Variants in DLGAP1 observed in about 807,000 individuals in gnomAD.
The protein encoded by DLGAP1 is DLG associated protein 1, also known as disks large-associated protein 1.
Under a neutral mutation model 90.8 loss-of-function variants are expected in DLGAP1, and 11 were observed. The observed-to-expected ratio is 0.12, with a 90% CI of 0.08 to 0.20. DLGAP1 has a LOEUF of 0.20. Among genes scored for constraint, DLGAP1 ranks in the 10% least tolerant of loss-of-function variants. DLGAP1 has a pLI of 1.00. For missense variants in DLGAP1, 1,050 were observed against 1,333.8 expected, an observed-to-expected ratio of 0.79 and a Z score of 3.31; for synonymous variants, 558 against 540.7, an observed-to-expected ratio of 1.03 and a Z score of -0.44.
chr18:3,599,218 G>A (rs905374631), intron 7 of DLGAP1, among the ~76,000 whole-genome samples: 6 of 152,166 alleles, frequency 3.9e-5, no homozygotes, highest in East Asian at 1.9e-4. Flanking sequence ...CCTCCTCCTC[G>A]TTGGTTGAGT....
chr18:3,589,670 G>A (rs652264), intron 7 of DLGAP1, among the ~76,000 whole-genome samples: 84,026 of 151,992 alleles, frequency 0.55, 23,421 homozygotes, highest in Admixed American at 0.61. Context: ...ATTAAGTGCA[G>A]CTATTATCAA....
chr18:3,766,663 C>T (rs2147965848), intron 5 of DLGAP1, among the ~76,000 whole-genome samples: 1 of 151,934 alleles, frequency 6.6e-6, no homozygotes, highest in Non-Finnish European at 1.5e-5. Flanking sequence ...AAATCAGTAA[C>T]AGAAAGATAA....
intron 7 of DLGAP1, chr18:3,604,138 G>C (rs2057209552): frequency 1.3e-5 from 2 of 152,466 alleles, no homozygotes. Context: ...CAACATCGTG[G>C]CTGAATGAAC....
intron 8 of DLGAP1, chr18:3,580,366 C>T (rs1476864520): frequency 5.0e-6 from 8 of 1,613,818 alleles, no homozygotes; most frequent in East Asian, 2.2e-5. Flanking sequence ...ACTCGGGGCT[C>T]GAATTTCAGA....
At chr18:3,800,230 C>A (rs2066224387) in intron 5 of DLGAP1, among the ~76,000 whole-genome samples, 1 of 152,214 alleles carries the variant, frequency 6.6e-6, no homozygotes, top group African/African-American at 2.4e-5. Context: ...AGATGCCAAG[C>A]CTTCATGTTT....
chr18:3,643,662 C>CAAAAAAAA (rs538678987), intron 7 of DLGAP1, among the ~76,000 whole-genome samples: 3 of 65,016 alleles, frequency 4.6e-5, no homozygotes, highest in African/African-American at 1.1e-4. Flanking sequence ...GACTCCATCT[C>CAAAAAAAA]AAAAAAAAAA....
chr18:4,347,113 G>A lies in DLGAP1; in HGVS notation c.-267+107893C>T, dbSNP rs143747237. On this transcript the variant is annotated intron_variant, in intron 1 of 12. Transcript: ENST00000315677. ...TTTGAAAATTTAGATAAAAGACACA[G>A]TTTTCCAGAGAATCACGTGTACTAA... 8.5e-5 allele frequency among the ~76,000 whole-genome samples: 13 copies of A among 152,150 alleles called. 1 individual carries two copies. The highest frequency in any genetic ancestry group is 2.9e-4 in the African/African-American group (12 of 41,560).
intron 3 of DLGAP1, among the ~76,000 whole-genome samples, chr18:3,927,371 A>C (rs1268026019): frequency 1.3e-5 from 2 of 152,258 alleles, no homozygotes; most frequent in African/African-American, 4.8e-5. Flanking sequence ...TACAGTCCAG[A>C]GTCAAATGAG....
At chr18:3,935,844 G>C (rs2072624723) in intron 3 of DLGAP1, among the ~76,000 whole-genome samples, 1 of 152,194 alleles carries the variant, frequency 6.6e-6, no homozygotes. Context: ...TCATTCGAAA[G>C]TCTAAGCCTT....
chr18:4,197,159 C>T (rs536206456), intron 1 of DLGAP1, among the ~76,000 whole-genome samples: 57 of 118,232 alleles, frequency 4.8e-4, no homozygotes, highest in Middle Eastern at 8.3e-3. Flanking sequence ...GGGACAGGAG[C>T]GAAACTCTGT....
intron 2 of DLGAP1, among the ~76,000 whole-genome samples, chr18:4,119,359 G>A (rs1292093203): frequency 6.6e-6 from 1 of 152,124 alleles, no homozygotes; most frequent in African/African-American, 2.4e-5. Context: ...CTTCCAAAGT[G>A]CTGGGATTAC....
chr18:4,096,316 C>T (rs915812077), intron 2 of DLGAP1, among the ~76,000 whole-genome samples: 18 of 152,082 alleles, frequency 1.2e-4, no homozygotes, highest in African/African-American at 4.1e-4. Flanking sequence ...TGAGCCACTG[C>T]GCCTGGCCAG....
intron 8 of DLGAP1, among the ~76,000 whole-genome samples, chr18:3,568,975 C>G (rs1350281195): frequency 6.7e-6 from 1 of 150,240 alleles, no homozygotes; most frequent in Non-Finnish European, 1.5e-5. Context: ...CATGAGCCAC[C>G]ACGCCTGGCC....
At chr18:4,432,074 C>T (rs1202355336) in intron 1 of DLGAP1, among the ~76,000 whole-genome samples, 1 of 152,046 alleles carries the variant, frequency 6.6e-6, no homozygotes, top group Non-Finnish European at 1.5e-5. Context: ...GTGTCTTATA[C>T]TTTTTGATCA....
intron 7 of DLGAP1, among the ~76,000 whole-genome samples, chr18:3,584,645 A>T (rs2055765460): frequency 6.6e-6 from 1 of 152,164 alleles, no homozygotes; most frequent in Non-Finnish European, 1.5e-5. Context: ...GGGGAAAGAC[A>T]AGGTGCATGA....
chr18:4,152,949 A>G (rs529188570), intron 1 of DLGAP1, among the ~76,000 whole-genome samples: 1 of 152,348 alleles, frequency 6.6e-6, no homozygotes, highest in East Asian at 1.9e-4. Flanking sequence ...AAAAATATAT[A>G]GAACTGATCA....
intron 8 of DLGAP1, among the ~76,000 whole-genome samples, chr18:3,568,336 C>T (rs1230374888): frequency 6.6e-6 from 1 of 151,878 alleles, no homozygotes; most frequent in African/African-American, 2.4e-5. Flanking sequence ...ATTTTTCTCC[C>T]CTTAAATAAA....
At chr18:3,955,548 C>T (rs1351788015) in intron 3 of DLGAP1, among the ~76,000 whole-genome samples, 2 of 151,864 alleles carry the variant, frequency 1.3e-5, no homozygotes, top group Admixed American at 6.6e-5. Context: ...CCCGCCTCTA[C>T]TAAAAATACA....
At chr18:3,748,632 T>C (rs544989602) in intron 5 of DLGAP1, among the ~76,000 whole-genome samples, 37 of 152,332 alleles carry the variant, frequency 2.4e-4, no homozygotes, top group African/African-American at 7.0e-4. Flanking sequence ...TCTAACTTCA[T>C]TGTATTTCAA....
Sources: allele counts gnomAD v4.1 joint callset (sites outside exome capture counted in the v4.1 genomes callset), GRCh38; gene constraint gnomAD v4.1.1; transcripts MANE v1.5; gene names NCBI Gene and HGNC (gene_info 2026-07-23, HGNC 2026-07-21).